BTN3A2: variants seen among roughly 807,000 people sequenced by gnomAD.
BTN3A2 encodes the protein butyrophilin subfamily 3 member A2, also known as butyrophilin protein.
Under a neutral mutation model 37.6 loss-of-function variants are expected in BTN3A2, and 25 were observed. The observed-to-expected ratio is 0.66, with a 90% CI of 0.48 to 0.93. The LOEUF is 0.93. BTN3A2 is among the 40% of genes least tolerant of loss of function. The pLI, the probability that BTN3A2 is intolerant of heterozygous loss-of-function variation, is 0.00. For missense variants in BTN3A2, 266 were observed against 410.9 expected (o/e 0.65, Z 3.05); for synonymous variants, 122 against 159.4 (o/e 0.77, Z 1.77).
intron 10 of BTN3A2, chr6:26,375,493 T>A: frequency 1.4e-6 from 1 of 725,510 alleles, no homozygotes; most frequent in Non-Finnish European, 2.3e-6. Flanking sequence ...CTCCTTTCTT[T>A]CTCCTTCTAA....
chr6:26,374,936 G>A, intron 10 of BTN3A2, 138 bp downstream of exon 10: 7 of 860,392 alleles, frequency 8.1e-6, no homozygotes, highest in Non-Finnish European at 1.3e-5. Context: ...GACGCATAAA[G>A]GGTGGAGGTG....
rs1341972488 is a variant in BTN3A2 at position 26,373,107 on chromosome 6, G to A, written c.916+10G>A. 7 of 1,612,666 alleles carry A rather than the reference G, an allele frequency of 4.3e-6. No individual in the cohort carries two copies. Among genetic ancestry groups the A allele is most frequent in the Admixed American group, 3.3e-5 (2 of 59,990 alleles). On this transcript the variant is annotated intron_variant, in intron 6 of 10. Coordinates refer to ENST00000377708, the MANE Select transcript of BTN3A2 (RefSeq NM_007047.5). Reference sequence around the variant, plus strand: ...GAAATAAGCCTAAGAGGTATCCAACGCAAGCAGAGAATCTAAGCTCTTGGC... The same window carrying A: ...GAAATAAGCCTAAGAGGTATCCAACACAAGCAGAGAATCTAAGCTCTTGGC...
intron 8 of BTN3A2, chr6:26,374,018 G>T: frequency 3.1e-6 from 1 of 321,996 alleles, no homozygotes. Flanking sequence ...TACACATATA[G>T]ACATGGTGAC....
At position 26,377,226 on chromosome 6, in the gene BTN3A2, C is replaced by T; in HGVS notation, c.*1464C>T. 1.0e-6 allele frequency: 1 copy of T among 1,002,116 alleles called. No homozygotes were observed. The highest frequency in any genetic ancestry group is 1.6e-6 in the Non-Finnish European group (1 of 633,854). The allele number at this position is 1,002,116 out of a possible 1,614,324, so 62.1% of individuals were successfully genotyped here. On this transcript the variant is annotated 3_prime_UTR_variant, in exon 11 of 11. Coordinates refer to ENST00000377708, the MANE Select transcript of BTN3A2 (RefSeq NM_007047.5). ...AGTAACATCTCTGCTTCTCCCTGCC[C>T]AGCCTGGAGCTAAGGGTCTCACCCT... is the stretch of plus-strand genomic sequence containing the variant.
chr6:26,376,833 C>A lies in BTN3A2; in HGVS notation c.*1071C>A. Reference sequence around the variant, plus strand: ...GAAAAAAGTTTGGGTCAAAATGACACCGGAGAACGGATACTGGACTATGGG... The same window carrying A: ...GAAAAAAGTTTGGGTCAAAATGACAACGGAGAACGGATACTGGACTATGGG... On this transcript the variant is annotated 3_prime_UTR_variant, in exon 11 of 11. Transcript: ENST00000377708. 6.2e-7 allele frequency: 1 copy of A among 1,613,930 alleles called. No homozygotes were observed. The highest frequency in any genetic ancestry group is 8.5e-7 in the Non-Finnish European group (1 of 1,179,934).
At position 26,374,201 on chromosome 6, in the gene BTN3A2, TAAAAAAAAAAAAAAAAAA is replaced by T. The variant is rs34655395; in HGVS notation, c.965-104_965-87del. The T allele has an allele frequency of 5.6e-3, 1,369 of 246,636 alleles. 33 individuals carry two copies. The highest frequency in any genetic ancestry group is 6.1e-3 in the South Asian group (134 of 21,984). The allele number at this position is 246,636 out of a possible 1,614,324, so 15.3% of individuals were successfully genotyped here. ...GAGACCATGGGGAAGGGTGGGATGG[TAAAAAAAAAAAAAAAAAA>T]AAAAAAAAAAAAAAAAAAAAAGACT... is the stretch of plus-strand genomic sequence containing the variant. On this transcript the variant is annotated intron_variant, in intron 8 of 10. Transcript: ENST00000377708.
Position 26,374,354 on chromosome 6 carries a change from A to G in BTN3A2, c.992A>G (p.Asn331Ser), listed in dbSNP as rs751467291. Residue 331 changes from asparagine to serine, a missense_variant, in exon 9 of 11, where the codon AAT (asparagine) becomes AGT (serine). Asn to Ser is a conservative substitution (Grantham distance 46, BLOSUM62 1). Around this residue, in one of 3 missense-constraint regions of BTN3A2, gnomAD observed 204 missense variants for 232.6 expected, o/e 0.88. Transcript: ENST00000377708. ...GGAGAGGAGTCTTCGTCCGATACCAATAAGTCAGCCTGATGCTCTGTAAGT... is the reference window on the plus strand; with the variant it reads ...GGAGAGGAGTCTTCGTCCGATACCAGTAAGTCAGCCTGATGCTCTGTAAGT... ...TRGEESSSDT[N>S]KSA 32 of 1,613,934 alleles carry G rather than the reference A, an allele frequency of 2.0e-5. No homozygotes were observed. The highest frequency in any genetic ancestry group is 2.5e-5 in the Non-Finnish European group (30 of 1,179,966).
At chr6:26,367,853 A>G in intron 1 of BTN3A2, 137 bp from the exon 2 acceptor site, 2 of 310,124 alleles carry the variant, frequency 6.4e-6, no homozygotes, top group South Asian at 7.9e-5. Flanking sequence ...AGGGTCCTTC[A>G]TGAATCAGAG....
At position 26,375,906 on chromosome 6, in the gene BTN3A2, A is replaced by G; in HGVS notation, c.*144A>G. 1.3e-6 allele frequency: 2 copies of G among 1,516,332 alleles called. No individual in the cohort carries two copies. Among genetic ancestry groups the G allele is most frequent in the Admixed American group, 2.0e-5 (1 of 50,330 alleles). 93.9% of individuals were successfully genotyped at this position (1,516,332 alleles called of 1,614,324 possible). A position where few individuals can be genotyped will look rare whatever the true frequency, so the allele number is the denominator to read the frequency against. On this transcript the variant is annotated 3_prime_UTR_variant, in exon 11 of 11. Coordinates refer to ENST00000377708, the MANE Select transcript of BTN3A2 (RefSeq NM_007047.5). ...TTAGCTCACGAGTGGTCGAGTGAAG[A>G]TTGAAAATTAACCTCTGAGGGCCAG...
chr6:26,367,662 G>A (rs1034764698), intron 1 of BTN3A2, among the ~76,000 whole-genome samples: 24 of 152,204 alleles, frequency 1.6e-4, no homozygotes, highest in South Asian at 4.1e-4. Context: ...GTGATTAAAC[G>A]TGGTGGGTTC....
intron 1 of BTN3A2, 76 bp downstream of exon 1, chr6:26,365,428 G>T: frequency 6.7e-7 from 1 of 1,499,628 alleles, no homozygotes; most frequent in Non-Finnish European, 9.0e-7. Flanking sequence ...AGAGTGGTGA[G>T]TGGGCATGCA....
At chr6:26,369,404 A>T (rs1415108242) in intron 4 of BTN3A2, among the ~76,000 whole-genome samples, 3 of 152,196 alleles carry the variant, frequency 2.0e-5, no homozygotes, top group Non-Finnish European at 2.9e-5. Context: ...AACACACATC[A>T]TGGGGAGCTG....
At chr6:26,373,237 C>CTTTTTTT (rs750198408) in intron 6 of BTN3A2, 39 bp from the exon 7 acceptor site, 30 of 1,352,770 alleles carry the variant, frequency 2.2e-5, no homozygotes, top group Admixed American at 5.1e-5. Context: ...AACAGTTCAT[C>CTTTTTTT]TTTTTTTTTT....
At chr6:26,373,237 C>CTTTT (rs750198408) in intron 6 of BTN3A2, 39 bp from the exon 7 acceptor site, 145 of 1,352,210 alleles carry the variant, frequency 1.1e-4, no homozygotes, top group South Asian at 2.9e-4. Context: ...AACAGTTCAT[C>CTTTT]TTTTTTTTTT....
At chr6:26,370,108 T>C (rs1420427111) in intron 4 of BTN3A2, among the ~76,000 whole-genome samples, 1 of 152,180 alleles carries the variant, frequency 6.6e-6, no homozygotes, top group Non-Finnish European at 1.5e-5. Context: ...CTCCCTCTGG[T>C]AATTGGGGTG....
rs1336079748 is a variant in BTN3A2 at position 26,376,237 on chromosome 6, G to GA, written c.*479dup. ...CAAGAAAAAAAAAAAAAAAAAAAAA[G>GA]AAAAGAAAATTAACCTCTGAGTATA... On this transcript the variant is annotated 3_prime_UTR_variant, in exon 11 of 11. Coordinates refer to ENST00000377708, the MANE Select transcript of BTN3A2 (RefSeq NM_007047.5). The GA allele has an allele frequency of 1.5e-5, 2 of 137,290 alleles. No individual in the cohort carries two copies. Among genetic ancestry groups the GA allele is most frequent in the African/African-American group, 5.9e-5 (2 of 33,802 alleles). 8.5% of individuals were successfully genotyped at this position (137,290 alleles called of 1,614,324 possible). A position where few individuals can be genotyped will look rare whatever the true frequency, so the allele number is the denominator to read the frequency against.
At chr6:26,372,599 C>T (rs12174602) in intron 5 of BTN3A2, 27,679 of 330,976 alleles carry the variant, frequency 0.084, 1,426 homozygotes, top group Non-Finnish European at 0.11. Flanking sequence ...TAGTTTTGAA[C>T]GATGTAAATG....
intron 5 of BTN3A2, 191 bp from the exon 6 acceptor site, chr6:26,372,706 G>A: frequency 1.6e-6 from 1 of 613,158 alleles, no homozygotes. Flanking sequence ...AGTAATAGTA[G>A]TAGCTTGTAG....
In BTN3A2 at chr6:26,377,509, T is replaced by C. The variant is rs1760781614; in HGVS notation, c.*1747T>C. 3.0e-6 allele frequency: 1 copy of C among 328,582 alleles called. No individual in the cohort carries two copies. Among genetic ancestry groups the C allele is most frequent in the Non-Finnish European group, 5.8e-6 (1 of 171,658 alleles). 20.4% of individuals were successfully genotyped at this position (328,582 alleles called of 1,614,324 possible). ...TTAAAACGTTCTGAGTGCTGTGTTA[T>C]GAGCTTTGGTGGGTGTCACTCCTTT... On this transcript the variant is annotated 3_prime_UTR_variant, in exon 11 of 11. Coordinates refer to ENST00000377708, the MANE Select transcript of BTN3A2 (RefSeq NM_007047.5).
Sources: allele counts gnomAD v4.1 joint callset (sites outside exome capture counted in the v4.1 genomes callset), GRCh38; gene constraint gnomAD v4.1.1; regional missense constraint gnomAD v4.1.1; transcripts MANE v1.5; gene names NCBI Gene and HGNC (gene_info 2026-07-23, HGNC 2026-07-21).